CDC23: variants seen among roughly 807,000 people sequenced by gnomAD.
CDC23 encodes cell division cycle protein 23 homolog.
CDC23 carries 26 observed loss-of-function variants against 81.7 expected under a neutral mutation model. That is an observed-to-expected ratio of 0.32 (90% confidence interval 0.23 to 0.44). The LOEUF is 0.44. CDC23 is among the 20% of genes least tolerant of loss of function. CDC23 has a pLI of 1.00. For missense variants in CDC23, 519 were observed against 728.0 expected, an observed-to-expected ratio of 0.71 and a Z score of 3.30; for synonymous variants, 267 against 270.8, an observed-to-expected ratio of 0.99 and a Z score of 0.14.
At chr5:138,213,089 A>T in intron 1 of CDC23, 26 bp from the exon 2 acceptor site, 4 of 1,614,036 alleles carry the variant, frequency 2.5e-6, no homozygotes, top group Non-Finnish European at 3.4e-6. Flanking sequence ...AAACTAGATC[A>T]GCTCGACAAG....
At chr5:138,205,467 A>G (rs1333897246) in intron 3 of CDC23, among the ~76,000 whole-genome samples, 1 of 152,162 alleles carries the variant, frequency 6.6e-6, no homozygotes, top group Non-Finnish European at 1.5e-5. Context: ...CCACTTATGT[A>G]AGGTACTTAG....
At chr5:138,207,513 T>A (rs1365074268) in intron 2 of CDC23, among the ~76,000 whole-genome samples, 1 of 152,214 alleles carries the variant, frequency 6.6e-6, no homozygotes, top group African/African-American at 2.4e-5. Flanking sequence ...CTCCTGTCTT[T>A]TACAGTCCTA....
chr5:138,201,870 C>CT (rs1378253950), intron 4 of CDC23, among the ~76,000 whole-genome samples: 4 of 152,200 alleles, frequency 2.6e-5, no homozygotes, highest in Admixed American at 2.6e-4. Flanking sequence ...CTCTAAATTT[C>CT]TAGCTTCAGG....
rs549399303 is a variant in CDC23, at chr5:138,189,037, C to T, written c.1735G>A (p.Ala579Thr). The T allele has an allele frequency of 5.0e-6, 8 of 1,614,014 alleles. No individual in the cohort carries two copies. The highest frequency in any genetic ancestry group is 2.2e-5 in the East Asian group (1 of 44,868). ...APFFLPASLS[A>T]NNTPTRRVSP... The stretch of plus-strand genomic sequence containing the variant: ...ACTCTGCGTGTGGGGGTATTGTTAG[C>T]AGAGAGTGAAGCAGGTAGGAAAAAG... Residue 579 changes from alanine (A) to threonine (T), a missense_variant, in exon 16 of 16, where the codon GCT becomes ACT. By Grantham distance (58) the Ala-to-Thr change is moderately conservative. Transcript: ENST00000394886.
Position 138,213,244 on chromosome 5 carries a change from G to A in CDC23, c.69C>T (p.Asn23=), listed in dbSNP as rs1305892944. 1.2e-6 allele frequency: 2 copies of A among 1,614,116 alleles called. No individual in the cohort carries two copies. Among genetic ancestry groups the A allele is most frequent in the South Asian group, 2.2e-5 (2 of 91,080 alleles). The part of the protein sequence containing the change: ...TAAVAPVLSI[N]SDFSDLREIK... ...TTTCCCGCAAATCTGAGAAATCGCT[G>A]TTTATGGACAGGACAGGCGCCACTG... The change falls in exon 1 of 16, where the codon AAC becomes AAT. Residue 23 remains asparagine (N), a synonymous_variant. Transcript: ENST00000394886.
intron 3 of CDC23, among the ~76,000 whole-genome samples, chr5:138,202,594 T>C (rs758185048): frequency 6.6e-6 from 1 of 152,200 alleles, no homozygotes; most frequent in Non-Finnish European, 1.5e-5. Context: ...GGTCACTAAT[T>C]TCAAATAACT....
rs1561634191 is a variant in CDC23 at position 138,195,764 on chromosome 5, T to TG, written c.1012+2434_1012+2435insC. ...ATATATATGTATATATATACATATA[T>TG]TATATATGTGTATATATACATATAT... On this transcript the variant is annotated intron_variant, in intron 9 of 15. Coordinates refer to ENST00000394886, the MANE Select transcript of CDC23 (RefSeq NM_004661.4). Among the ~76,000 whole-genome samples, 4 of 57,830 alleles carry TG rather than the reference T, an allele frequency of 6.9e-5. No homozygotes were observed. The East Asian group carries it at 1.4e-3, about 21-fold the overall frequency. 37.9% of individuals were successfully genotyped at this position (57,830 alleles called of 152,430 possible).
rs956134539 is a variant in CDC23 at position 138,189,613 on chromosome 5, A to C, written c.1623+20T>G. The C allele has an allele frequency of 6.2e-7, 1 of 1,601,674 alleles. No homozygotes were observed. The highest frequency in any genetic ancestry group is 1.7e-5 in the Admixed American group (1 of 57,488). ...TTCTAGCCTAAAATTCAAACCTTTT[A>C]TTAAAGAACTGATACTCACATCATT... On this transcript the variant is annotated intron_variant, in intron 15 of 15. Transcript: ENST00000394886.
intron 6 of CDC23, among the ~76,000 whole-genome samples, chr5:138,200,653 C>G (rs1302944465): frequency 6.6e-6 from 1 of 152,018 alleles, no homozygotes; most frequent in African/African-American, 2.4e-5. Flanking sequence ...AACCCCATCT[C>G]TACTAAAAAT....
At chr5:138,201,320 T>C in intron 5 of CDC23, 23 bp downstream of exon 5, 3 of 1,613,206 alleles carry the variant, frequency 1.9e-6, no homozygotes, top group Non-Finnish European at 1.7e-6. Context: ...TTACAGAAAG[T>C]TCCAAATTAC....
rs78412277 is a variant in CDC23 at position 138,198,496 on chromosome 5, T to C, written c.860A>G (p.Asn287Ser). 3.7e-5 allele frequency: 60 copies of C among 1,614,122 alleles called. No individual in the cohort carries two copies. The East Asian group carries it at 1.1e-3, about 30-fold the overall frequency. ...RDIDKALSIF[N>S]ELRKQDPYRI... is the part of the protein sequence containing the mutation. ...GTAAGGGTCTTGTTTCCTTAGCTCA[T>C]TAAAAATGGAGAGGGCTTTGTCAAT... is the stretch of plus-strand genomic sequence containing the variant. Residue 287 changes from asparagine (N) to serine (S), a missense_variant, in exon 8 of 16, where the codon AAT (asparagine) becomes AGT (serine). This residue lies in a region of CDC23 where 180 missense variants were observed against 239.3 expected (regional missense o/e 0.75). Coordinates refer to ENST00000394886, the MANE Select transcript of CDC23 (RefSeq NM_004661.4).
intron 2 of CDC23, among the ~76,000 whole-genome samples, chr5:138,209,984 G>A (rs1017278817): frequency 6.6e-6 from 1 of 151,048 alleles, no homozygotes; most frequent in African/African-American, 2.4e-5. Context: ...GAGGCTGAGA[G>A]GGGTGGATCA....
intron 11 of CDC23, 87 bp from the exon 12 acceptor site, chr5:138,192,024 T>C (rs1451391360): frequency 1.7e-6 from 2 of 1,171,014 alleles, no homozygotes; most frequent in Non-Finnish European, 2.5e-6. Flanking sequence ...CTATTTCAAA[T>C]CTATGCAACA....
rs1754838405 is a variant in CDC23, at chr5:138,192,530, G to A, written c.1140C>T (p.Asn380=). 2.5e-6 allele frequency: 4 copies of A among 1,614,062 alleles called. No individual in the cohort carries two copies. Among genetic ancestry groups the A allele is most frequent in the Non-Finnish European group, 3.4e-6 (4 of 1,180,022 alleles). The change falls in exon 10 of 16, where the codon AAC becomes AAT. Residue 380 remains asparagine, a synonymous_variant. Transcript: ENST00000394886. The part of the protein sequence containing the change: ...LMGHEYMEMK[N]TSAAIQAYRH... ...TATAAGCCTGGATAGCAGCAGACGT[G>A]TTCTTCATCTCCATGTACTCATGTC... is the stretch of plus-strand genomic sequence containing the variant.
At chr5:138,193,036 C>G (rs927123167) in intron 9 of CDC23, among the ~76,000 whole-genome samples, 5 of 152,148 alleles carry the variant, frequency 3.3e-5, no homozygotes, top group African/African-American at 1.2e-4. Context: ...CTCAAGCAAT[C>G]CTCCCACATA....
At chr5:138,201,562 G>C in intron 4 of CDC23, 114 bp from the exon 5 acceptor site, 2 of 724,072 alleles carry the variant, frequency 2.8e-6, no homozygotes, top group Middle Eastern at 4.1e-4. Context: ...CCCTAGGCTG[G>C]TCTCAAACTC....
chr5:138,195,749 A>ATATATATACATATAATATATATG (rs1561634168), intron 9 of CDC23, among the ~76,000 whole-genome samples: 1 of 114,800 alleles, frequency 8.7e-6, no homozygotes, highest in African/African-American at 3.6e-5. Context: ...ATATATATGT[A>ATATATATACATATAATATATATG]TATATATACA....
At position 138,212,950 on chromosome 5, in the gene CDC23, C is replaced by A. The variant is rs1755130918; in HGVS notation, c.234+41G>T. 8 of 1,574,988 alleles carry A rather than the reference C, an allele frequency of 5.1e-6. No homozygotes were observed. The Middle Eastern group carries it at 6.7e-4, about 131-fold the overall frequency. On this transcript the variant is annotated intron_variant, in intron 2 of 15. Coordinates refer to ENST00000394886, the MANE Select transcript of CDC23 (RefSeq NM_004661.4). The stretch of plus-strand genomic sequence containing the variant: ...CACTCAGTGGCTCTTGAGGCACACC[C>A]CTGGGTTGATGGGGAGCGCTCACTG...
intron 2 of CDC23, among the ~76,000 whole-genome samples, chr5:138,206,941 G>T (rs374455292): frequency 6.8e-6 from 1 of 147,032 alleles, no homozygotes; most frequent in Non-Finnish European, 1.5e-5. Context: ...GTGCAGTGGC[G>T]CAATCTCAGC....
Sources: gnomAD v4.1 joint callset for allele counts (sites outside exome capture counted in the v4.1 genomes callset) on GRCh38, gnomAD v4.1.1 for gene constraint, gnomAD v4.1.1 regional missense constraint, MANE v1.5 for transcripts, NCBI Gene and HGNC (gene_info 2026-07-23, HGNC 2026-07-21) for gene names.